The following PRDM5 variants were observed in gnomAD, a reference collection of about 807,000 sequenced individuals.
PRDM5 encodes PR domain zinc finger protein 5.
PRDM5 carries 56 observed loss-of-function variants against 81.2 expected under a neutral mutation model. The ratio of observed to expected loss-of-function variants is 0.69; its 90% CI spans 0.56 to 0.86. The LOEUF (loss-of-function observed/expected upper bound fraction) is 0.86, where lower values mean the gene tolerates loss of function less well. Among genes scored for constraint, PRDM5 ranks in the 40% least tolerant of loss-of-function variants. The pLI is 0.00. For synonymous variants in PRDM5, 267 were observed against 256.4 expected, an observed-to-expected ratio of 1.04 and a Z score of -0.39; for missense variants, 697 against 770.1, an observed-to-expected ratio of 0.91 and a Z score of 1.12.
At position 120,695,141 on chromosome 4, in the gene PRDM5, C is replaced by T. The variant is rs773022499; in HGVS notation, c.1863G>A (p.Met621Ile). ...TGTCAGCTACACCATGGATATTGTC[C>T]ATGTGCACTTTGAGGTAGTCATTCC... ...FTRNDYLKVH[M>I]DNIHGVADS is the part of the protein sequence containing the mutation. The change falls in exon 16 of 16, where the codon ATG becomes ATA. Residue 621 changes from methionine (M) to isoleucine (I), a missense_variant. By Grantham distance (10) the Met-to-Ile change is conservative (BLOSUM62 1). Around this residue, in one of 3 missense-constraint regions of PRDM5, gnomAD observed 34 missense variants for 28.1 expected, o/e 1.21. Coordinates refer to ENST00000264808, the MANE Select transcript of PRDM5 (RefSeq NM_018699.4). The T allele has an allele frequency of 6.2e-7, 1 of 1,613,320 alleles. No individual in the cohort carries two copies. The highest frequency in any genetic ancestry group is 1.1e-5 in the South Asian group (1 of 91,062).
At chr4:120,854,049 T>C (rs1759594953) in intron 2 of PRDM5, among the ~76,000 whole-genome samples, 1 of 152,134 alleles carries the variant, frequency 6.6e-6, no homozygotes, top group South Asian at 2.1e-4. Context: ...TGAAACAAAA[T>C]GTTATGCTCT....
intron 10 of PRDM5, among the ~76,000 whole-genome samples, chr4:120,790,806 A>T (rs1750452455): frequency 6.6e-6 from 1 of 152,140 alleles, no homozygotes; most frequent in South Asian, 2.1e-4. Context: ...GGATAGATAG[A>T]TTTAGCCAAG....
chr4:120,765,766 G>T (rs1746286869), intron 13 of PRDM5, among the ~76,000 whole-genome samples: 1 of 152,078 alleles, frequency 6.6e-6, no homozygotes, highest in South Asian at 2.1e-4. Context: ...TAATGACACT[G>T]GGAATAGAGG....
intron 2 of PRDM5, among the ~76,000 whole-genome samples, chr4:120,872,615 G>C (rs1303818851): frequency 6.6e-6 from 1 of 152,118 alleles, no homozygotes; most frequent in Non-Finnish European, 1.5e-5. Context: ...TTAGCCAGTG[G>C]TGGTGGTGCA....
intron 2 of PRDM5, among the ~76,000 whole-genome samples, chr4:120,866,259 C>T (rs1761189260): frequency 6.6e-6 from 1 of 152,208 alleles, no homozygotes; most frequent in South Asian, 2.1e-4. Context: ...TGCACATCCA[C>T]TGCCTGGAGC....
rs1377333856 is a variant in PRDM5 at position 120,692,254 on chromosome 4, T to C, written c.*2857A>G. 4.6e-5 allele frequency: 7 copies of C among 152,214 alleles called. No individual in the cohort carries two copies. Among genetic ancestry groups the C allele is most frequent in the African/African-American group, 1.4e-4 (6 of 41,564 alleles). The allele number at this position is 152,214 out of a possible 1,614,324, so 9.4% of individuals were successfully genotyped here. A position where few individuals can be genotyped will look rare whatever the true frequency, so the allele number is the denominator to read the frequency against. On this transcript the variant is annotated 3_prime_UTR_variant, in exon 16 of 16. Coordinates refer to ENST00000264808, the MANE Select transcript of PRDM5 (RefSeq NM_018699.4). ...AGGCTGTAAGACCTTCTGTAATACA[T>C]GTTCACACTCATGCATGAGTTGACT...
At chr4:120,861,325 G>A (rs1382442530) in intron 2 of PRDM5, among the ~76,000 whole-genome samples, 1 of 152,104 alleles carries the variant, frequency 6.6e-6, no homozygotes, top group Non-Finnish European at 1.5e-5. Context: ...AGCTTTTGGA[G>A]AATTTTCCCT....
In PRDM5 at chr4:120,922,525, T is replaced by G. The variant is rs770978885; in HGVS notation, c.84A>C (p.Arg28Ser). The G allele has an allele frequency of 3.1e-6, 5 of 1,604,508 alleles. No individual in the cohort carries two copies. The South Asian group carries it at 5.6e-5, about 18-fold the overall frequency. Residue 28 changes from arginine (R) to serine (S), a missense_variant, in exon 1 of 16, where the codon AGA becomes AGC. By Grantham distance (110) the Arg-to-Ser change is moderately radical (BLOSUM62 -1). Coordinates refer to ENST00000264808, the MANE Select transcript of PRDM5 (RefSeq NM_018699.4). ...CCGCCGGGTCACCCACCTTTCGCAC[T>G]CTGCGGGCCGTGTAGAGCCCCATGC... is the stretch of plus-strand genomic sequence containing the variant. ...QDGMGLYTAR[R>S]VRKGEKFGPF...
intron 8 of PRDM5, among the ~76,000 whole-genome samples, chr4:120,804,334 T>C (rs1752585977): frequency 6.6e-6 from 1 of 151,724 alleles, no homozygotes; most frequent in African/African-American, 2.4e-5. Context: ...TGAACTCAGC[T>C]CTGCACCAAG....
chr4:120,854,638 C>T (rs1303253860), intron 2 of PRDM5, among the ~76,000 whole-genome samples: 2 of 152,174 alleles, frequency 1.3e-5, no homozygotes, highest in East Asian at 1.9e-4. Context: ...GTGAACAAGA[C>T]AAAGCCCCAG....
At chr4:120,746,756 A>G (rs1743137748) in intron 14 of PRDM5, among the ~76,000 whole-genome samples, 1 of 144,162 alleles carries the variant, frequency 6.9e-6, no homozygotes, top group Non-Finnish European at 1.5e-5. Context: ...ACCAGTTACA[A>G]TGGCAATCAT....
intron 2 of PRDM5, among the ~76,000 whole-genome samples, chr4:120,894,324 C>T (rs1764385078): frequency 6.6e-6 from 1 of 152,160 alleles, no homozygotes; most frequent in African/African-American, 2.4e-5. Context: ...TATTTTTAAA[C>T]CAACATTATT....
chr4:120,901,390 A>T (rs1765207376), intron 2 of PRDM5, among the ~76,000 whole-genome samples: 1 of 152,262 alleles, frequency 6.6e-6, no homozygotes, highest in Non-Finnish European at 1.5e-5. Context: ...TTACCCTGGT[A>T]ATACACTAAC....
chr4:120,908,897 T>G (rs147310287), intron 1 of PRDM5, among the ~76,000 whole-genome samples: 1 of 152,304 alleles, frequency 6.6e-6, no homozygotes, highest in African/African-American at 2.4e-5. Flanking sequence ...AAATGGGCAT[T>G]CAACATCACA....
At chr4:120,922,388 T>G (rs1725063889) in intron 1 of PRDM5, 128 bp downstream of exon 1, 5 of 1,133,054 alleles carry the variant, frequency 4.4e-6, no homozygotes, top group Non-Finnish European at 5.5e-6. Context: ...CACGGACGCC[T>G]GGCCCGGCCC....
intron 8 of PRDM5, among the ~76,000 whole-genome samples, chr4:120,810,761 G>A (rs17051263): frequency 0.25 from 38,702 of 151,918 alleles, 5,638 homozygotes; most frequent in East Asian, 0.35. Context: ...CTGATTCCTG[G>A]TCTGGTGCTT....
At chr4:120,795,599 A>C (rs538809055) in intron 10 of PRDM5, among the ~76,000 whole-genome samples, 31 of 152,086 alleles carry the variant, frequency 2.0e-4, no homozygotes, top group Non-Finnish European at 2.6e-4. Flanking sequence ...AAAAAAAAAA[A>C]AAAACACCCC....
At chr4:120,754,753 A>T in intron 13 of PRDM5, 115 bp from the exon 14 acceptor site, 1 of 766,642 alleles carries the variant, frequency 1.3e-6, no homozygotes, top group Non-Finnish European at 2.3e-6. Flanking sequence ...GTGCTACTTC[A>T]AGAAGTGGCT....
intron 1 of PRDM5, among the ~76,000 whole-genome samples, chr4:120,916,612 A>T (rs1724201932): frequency 1.3e-5 from 2 of 152,180 alleles, no homozygotes; most frequent in South Asian, 4.1e-4. Flanking sequence ...ATACAATTGT[A>T]TCTCACTGAC....
Sources: gnomAD v4.1 joint callset for allele counts (sites outside exome capture counted in the v4.1 genomes callset) on GRCh38, gnomAD v4.1.1 for gene constraint, gnomAD v4.1.1 regional missense constraint, MANE v1.5 for transcripts, NCBI Gene and HGNC (gene_info 2026-07-23, HGNC 2026-07-21) for gene names.